TUBA3C: variants seen among roughly 807,000 people sequenced by gnomAD.
The protein encoded by TUBA3C is tubulin alpha 3c.
In TUBA3C, 23 loss-of-function variants were observed where a neutral mutation model predicts 33.4. The observed-to-expected ratio is 0.69, with a 90% confidence interval of 0.50 to 0.98. The LOEUF is 0.98. Among genes scored for constraint, TUBA3C ranks in the 50% least tolerant of loss-of-function variants. The pLI is 0.00. For missense variants in TUBA3C, 402 were observed against 616.0 expected, an observed-to-expected ratio of 0.65 and a Z score of 3.68; for synonymous variants, 269 against 250.4, an observed-to-expected ratio of 1.07 and a Z score of -0.70.
At chr13:19,176,491 C>T (rs543312149) in intron 4 of TUBA3C, among the ~76,000 whole-genome samples, 4 of 152,012 alleles carry the variant, frequency 2.6e-5, no homozygotes, top group East Asian at 1.9e-4. Context: ...CAGTGGCTCA[C>T]GCCTCTAACC....
rs1869205982 is a variant in TUBA3C at position 19,176,919 on chromosome 13, A to C, written c.1056+8T>G. 1.2e-6 allele frequency: 2 copies of C among 1,612,676 alleles called. No individual in the cohort carries two copies. The highest frequency in any genetic ancestry group is 1.7e-5 in the Admixed American group (1 of 59,968). On this transcript the variant is annotated splice_region_variant and intron_variant, in intron 4 of 4. Coordinates refer to ENST00000400113, the MANE Select transcript of TUBA3C (RefSeq NM_006001.3). The stretch of plus-strand genomic sequence containing the variant: ...AAGGTACAAGGACTCCACATTACCC[A>C]GTCATACCTTAAATCCAGTTGGGCA...
Position 19,177,634 on chromosome 13 carries a change from A to G in TUBA3C, c.376-27T>C. ...TGAGGGAAACCAGACAACATGAATC[A>G]ATGCCCGTGGAAGCCACACCACCAA... On this transcript the variant is annotated intron_variant, in intron 3 of 4. Transcript: ENST00000400113. This position sits in a 1 kb window ranked among gnomAD's most constrained non-coding sequence, Gnocchi z 5.0. 1 of 1,536,852 alleles carries G rather than the reference A, an allele frequency of 6.5e-7. No individual in the cohort carries two copies. Among genetic ancestry groups the G allele is most frequent in the East Asian group, 2.3e-5 (1 of 44,226 alleles).
Position 19,181,793 on chromosome 13 carries a change from A to T in TUBA3C, c.-46T>A. The T allele has an allele frequency of 6.3e-7, 1 of 1,596,002 alleles. No homozygotes were observed. Among genetic ancestry groups the T allele is most frequent in the Non-Finnish European group, 8.5e-7 (1 of 1,175,578 alleles). On this transcript the variant is annotated 5_prime_UTR_variant, in exon 1 of 5. Coordinates refer to ENST00000400113, the MANE Select transcript of TUBA3C (RefSeq NM_006001.3). ...CAGCCCAACGCTACTACTTGACCTC[A>T]ACCGCCGCTGCAGCTGCGCACGCCC...
chr13:19,180,762 T>C (rs1433887244), intron 1 of TUBA3C, among the ~76,000 whole-genome samples: 1 of 151,912 alleles, frequency 6.6e-6, no homozygotes, highest in Non-Finnish European at 1.5e-5. Flanking sequence ...CCCAAAGTGC[T>C]GGGATTACAG....
rs756070043 is a variant in TUBA3C at position 19,178,226 on chromosome 13, A to G, written c.375+20T>C. 97 of 1,613,766 alleles carry G rather than the reference A, an allele frequency of 6.0e-5. No individual in the cohort carries two copies. Among genetic ancestry groups the G allele is most frequent in the Non-Finnish European group, 8.0e-5 (94 of 1,179,826 alleles). On this transcript the variant is annotated intron_variant, in intron 3 of 4. Transcript: ENST00000400113. ...CCCTCCTGTGCAGGACAATGGTCAC[A>G]TGAAGCCTTCTCTTCTTACCAGTTT... is the stretch of plus-strand genomic sequence containing the variant.
chr13:19,180,717 G>A lies in TUBA3C; in HGVS notation c.3+1028C>T, dbSNP rs144152814. On this transcript the variant is annotated intron_variant, in intron 1 of 4. Coordinates refer to ENST00000400113, the MANE Select transcript of TUBA3C (RefSeq NM_006001.3). Reference sequence around the variant, plus strand: ...TCACCGTGTTAGCCAGGATGGTCTCGATCTCCTGACCTTTTGATATGCCCG... The same window carrying A: ...TCACCGTGTTAGCCAGGATGGTCTCAATCTCCTGACCTTTTGATATGCCCG... 3.6e-3 allele frequency among the ~76,000 whole-genome samples: 546 copies of A among 151,876 alleles called. 17 individuals carry two copies. The East Asian group carries it at 0.039, about 11-fold the overall frequency.
In TUBA3C at chr13:19,173,825, G is replaced by C. The variant is rs747884436; in HGVS notation, c.*38C>G. 6.3e-7 allele frequency: 1 copy of C among 1,586,628 alleles called. No homozygotes were observed. Among genetic ancestry groups the C allele is most frequent in the Non-Finnish European group, 8.6e-7 (1 of 1,165,466 alleles). The stretch of plus-strand genomic sequence containing the variant: ...AAGAACTTGAAAGCAGCCACGCTGG[G>C]GGTGGCAGTGGAGTGGAGAACCCAC... On this transcript the variant is annotated 3_prime_UTR_variant, in exon 5 of 5. Coordinates refer to ENST00000400113, the MANE Select transcript of TUBA3C (RefSeq NM_006001.3).
At chr13:19,180,778 A>G (rs925962439) in intron 1 of TUBA3C, among the ~76,000 whole-genome samples, 1 of 150,828 alleles carries the variant, frequency 6.6e-6, no homozygotes, top group Non-Finnish European at 1.5e-5. Context: ...TACAGGCGTG[A>G]GCCACAGCGC....
At chr13:19,176,317 G>A (rs555333234) in intron 4 of TUBA3C, among the ~76,000 whole-genome samples, 2 of 152,200 alleles carry the variant, frequency 1.3e-5, no homozygotes, top group South Asian at 2.1e-4. Context: ...TCAGGAGGCT[G>A]AGGTGAGAGA....
chr13:19,180,083 C>T (rs1869349199), intron 1 of TUBA3C, among the ~76,000 whole-genome samples: 1 of 152,072 alleles, frequency 6.6e-6, no homozygotes, highest in Non-Finnish European at 1.5e-5. Context: ...CCCATGAGGA[C>T]AGCATCAGAG....
At chr13:19,175,915 T>C (rs1869163997) in intron 4 of TUBA3C, among the ~76,000 whole-genome samples, 1 of 152,196 alleles carries the variant, frequency 6.6e-6, no homozygotes. Flanking sequence ...GGCTAATTTT[T>C]GTATTTTTAG....
At chr13:19,178,155 G>C in intron 3 of TUBA3C, 91 bp downstream of exon 3, 2 of 1,565,894 alleles carry the variant, frequency 1.3e-6, no homozygotes, top group Non-Finnish European at 1.7e-6. Context: ...CAACGCACTG[G>C]TCTAGGTTTT....
intron 1 of TUBA3C, among the ~76,000 whole-genome samples, chr13:19,180,961 CAAAAAA>C (rs532243124): frequency 1.2e-5 from 1 of 82,134 alleles, no homozygotes; most frequent in African/African-American, 4.1e-5. Flanking sequence ...TGAGCCGTTT[CAAAAAA>C]AAAAAAAAAA....
Position 19,175,377 on chromosome 13 carries a change from A to G in TUBA3C, c.1057-1218T>C, listed in dbSNP as rs1323669875. 5.9e-5 allele frequency among the ~76,000 whole-genome samples: 9 copies of G among 152,234 alleles called. No homozygotes were observed. In the East Asian group the frequency reaches 1.7e-3, roughly 29 times the overall value. The stretch of plus-strand genomic sequence containing the variant: ...TCTGTCCCCACCTTCCACTGACACA[A>G]AAGAAACCTTGCTGTCCTCTTTCAG... On this transcript the variant is annotated intron_variant, in intron 4 of 4. Transcript: ENST00000400113.
At chr13:19,178,768 G>A (rs1023879720) in intron 2 of TUBA3C, among the ~76,000 whole-genome samples, 3 of 152,152 alleles carry the variant, frequency 2.0e-5, no homozygotes, top group Admixed American at 1.3e-4. Context: ...TACAAACTGA[G>A]AAGTCACCAG....
In TUBA3C at chr13:19,181,776, C is replaced by A. The variant is rs780713978; in HGVS notation, c.-29G>T. ...GAGCTCCTCCGCTGCCGCAGCCCAA[C>A]GCTACTACTTGACCTCAACCGCCGC... On this transcript the variant is annotated 5_prime_UTR_variant, in exon 1 of 5. Transcript: ENST00000400113. The A allele has an allele frequency of 8.7e-6, 14 of 1,601,268 alleles. No homozygotes were observed. Among genetic ancestry groups the A allele is most frequent in the Non-Finnish European group, 1.2e-5 (14 of 1,179,144 alleles).
chr13:19,175,718 G>A (rs199952221), intron 4 of TUBA3C, among the ~76,000 whole-genome samples: 2 of 152,166 alleles, frequency 1.3e-5, no homozygotes, highest in East Asian at 1.9e-4. Flanking sequence ...CGTGTAACCT[G>A]TAAGGCCTAG....
Position 19,177,688 on chromosome 13 carries a change from C to T in TUBA3C, c.376-81G>A. 6.7e-7 allele frequency: 1 copy of T among 1,487,586 alleles called. No individual in the cohort carries two copies. The highest frequency in any genetic ancestry group is 9.0e-7 in the Non-Finnish European group (1 of 1,111,868). 92.1% of individuals were successfully genotyped at this position (1,487,586 alleles called of 1,614,324 possible). A position where few individuals can be genotyped will look rare whatever the true frequency, so the allele number is the denominator to read the frequency against. On this transcript the variant is annotated intron_variant, in intron 3 of 4. Coordinates refer to ENST00000400113, the MANE Select transcript of TUBA3C (RefSeq NM_006001.3). This position sits in a 1 kb window ranked among gnomAD's most constrained non-coding sequence, Gnocchi z 5.0. ...CCACCAAGCCAGGGCCACTTCTCTG[C>T]CTCTGAAGACTTGATATGGATTCCA...
intron 1 of TUBA3C, 76 bp from the exon 2 acceptor site, chr13:19,179,639 A>T (rs1869333656): frequency 1.4e-6 from 2 of 1,461,420 alleles, no homozygotes; most frequent in Non-Finnish European, 1.8e-6. Context: ...AAATATTATA[A>T]TTTAATATTT....
Sources: gnomAD v4.1 joint callset for allele counts (sites outside exome capture counted in the v4.1 genomes callset) on GRCh38, gnomAD v4.1.1 for gene constraint, Gnocchi (gnomAD v3.1) non-coding constraint, MANE v1.5 for transcripts, NCBI Gene and HGNC (gene_info 2026-07-23, HGNC 2026-07-21) for gene names.